The following CPNE4 variants were observed in gnomAD, a reference collection of about 807,000 sequenced individuals.
CPNE4 encodes the protein copine-4.
A neutral mutation model predicts 67.9 loss-of-function variants in CPNE4; 25 were observed. The ratio of observed to expected loss-of-function variants is 0.37; its 90% confidence interval spans 0.27 to 0.51. CPNE4 has a LOEUF of 0.51. CPNE4 is among the 20% of genes least tolerant of loss of function. The pLI, the probability that CPNE4 is intolerant of heterozygous loss-of-function variation, is 0.93. For synonymous variants in CPNE4, 242 were observed against 244.9 expected (o/e 0.99, Z 0.11); for missense variants, 464 against 690.8 (o/e 0.67, Z 3.68).
intron 2 of CPNE4, among the ~76,000 whole-genome samples, chr3:131,787,195 T>G (rs899189484): frequency 5.9e-5 from 9 of 152,174 alleles, no homozygotes; most frequent in African/African-American, 2.2e-4. Flanking sequence ...ATTTGCCAAC[T>G]TGGTCTAGAG....
intron 1 of CPNE4, among the ~76,000 whole-genome samples, chr3:131,909,030 A>G (rs2088875730): frequency 6.6e-6 from 1 of 152,196 alleles, no homozygotes; most frequent in Admixed American, 6.5e-5. Context: ...AAAAACTCTT[A>G]GATGTCTCAC....
intron 2 of CPNE4, among the ~76,000 whole-genome samples, chr3:131,886,694 A>G (rs1382516967): frequency 1.4e-5 from 2 of 143,740 alleles, no homozygotes; most frequent in Non-Finnish European, 3.2e-5. Context: ...CTCTTCCATC[A>G]GTGTGACCTG....
intron 1 of CPNE4, among the ~76,000 whole-genome samples, chr3:132,027,280 G>T (rs551682543): frequency 1.3e-5 from 2 of 152,212 alleles, no homozygotes; most frequent in Admixed American, 6.5e-5. Flanking sequence ...CTGTAACTAG[G>T]CCACCAACGA....
In CPNE4 at chr3:131,586,594, G is replaced by A. The variant is rs190814802; in HGVS notation, c.780+890C>T. 4.0e-3 allele frequency among the ~76,000 whole-genome samples: 606 copies of A among 152,240 alleles called. 4 individuals carry two copies. Among genetic ancestry groups the A allele is most frequent in the African/African-American group, 0.014 (568 of 41,546 alleles). ...CACTTCTATCTTGCTTTTGGGCATG[G>A]ATAAAACAGGCTCCAGCAGATAGAG... On this transcript the variant is annotated intron_variant, in intron 8 of 15. Transcript: ENST00000429747.
At chr3:131,738,937 C>A (rs970125027) in intron 2 of CPNE4, among the ~76,000 whole-genome samples, 3 of 149,996 alleles carry the variant, frequency 2.0e-5, no homozygotes, top group Non-Finnish European at 4.4e-5. Flanking sequence ...TCACTTCAAA[C>A]TCCTTCCTGC....
chr3:131,779,317 A>G (rs1172155455), intron 2 of CPNE4, among the ~76,000 whole-genome samples: 2 of 152,152 alleles, frequency 1.3e-5, no homozygotes, highest in Non-Finnish European at 2.9e-5. Flanking sequence ...TTTTTCACAG[A>G]ATTAGATTTA....
At chr3:131,568,632 A>G (rs1267238091) in intron 10 of CPNE4, among the ~76,000 whole-genome samples, 1 of 151,842 alleles carries the variant, frequency 6.6e-6, no homozygotes, top group African/African-American at 2.4e-5. Context: ...ATTATTAAGC[A>G]GAGCTGTGGA....
chr3:131,549,661 T>G (rs944625209), intron 14 of CPNE4, among the ~76,000 whole-genome samples: 2 of 152,166 alleles, frequency 1.3e-5, no homozygotes, highest in African/African-American at 4.8e-5. Context: ...TATGACATAC[T>G]TTAGTGAATA....
intron 1 of CPNE4, among the ~76,000 whole-genome samples, chr3:131,971,541 G>A (rs893495870): frequency 1.3e-5 from 2 of 152,170 alleles, no homozygotes; most frequent in Admixed American, 6.5e-5. Flanking sequence ...TCCTTTACAA[G>A]TTTAAATGCC....
chr3:131,537,411 G>T (rs1165494592), intron 15 of CPNE4, among the ~76,000 whole-genome samples: 1 of 151,610 alleles, frequency 6.6e-6, no homozygotes, highest in Non-Finnish European at 1.5e-5. Flanking sequence ...AGCCTCCAGA[G>T]TAGTTGAGAT....
intron 10 of CPNE4, 130 bp downstream of exon 10, chr3:131,574,941 C>T (rs1167762899): frequency 2.8e-6 from 2 of 724,386 alleles, no homozygotes; most frequent in Admixed American, 4.3e-5. Context: ...TACGCTTCAA[C>T]AATGAGACTT....
At chr3:132,013,395 T>C (rs2073818791) in intron 1 of CPNE4, among the ~76,000 whole-genome samples, 1 of 152,006 alleles carries the variant, frequency 6.6e-6, no homozygotes, top group Non-Finnish European at 1.5e-5. Context: ...AGACATTACA[T>C]TGACCACATG....
chr3:131,852,569 G>T (rs1296365876), intron 2 of CPNE4, among the ~76,000 whole-genome samples: 2 of 151,816 alleles, frequency 1.3e-5, no homozygotes, highest in African/African-American at 4.8e-5. Context: ...ATATTTTATG[G>T]TGAAACAATA....
intron 1 of CPNE4, among the ~76,000 whole-genome samples, chr3:131,962,463 A>C (rs1420269842): frequency 1.3e-5 from 2 of 152,220 alleles, no homozygotes; most frequent in Non-Finnish European, 2.9e-5. Flanking sequence ...ACTCCAGAAC[A>C]AAACAAAGAC....
intron 1 of CPNE4, among the ~76,000 whole-genome samples, chr3:131,928,678 C>A (rs1206465980): frequency 6.6e-6 from 1 of 152,202 alleles, no homozygotes; most frequent in East Asian, 1.9e-4. Flanking sequence ...TATGCCTATA[C>A]TTGGCCATGC....
At chr3:131,657,450 A>G (rs2080000036) in intron 7 of CPNE4, among the ~76,000 whole-genome samples, 1 of 152,092 alleles carries the variant, frequency 6.6e-6, no homozygotes, top group Non-Finnish European at 1.5e-5. Flanking sequence ...TTATACATTG[A>G]CAAGATATAC....
At chr3:131,801,480 T>TATATATATAAC (rs2084128152) in intron 2 of CPNE4, among the ~76,000 whole-genome samples, 1 of 85,040 alleles carries the variant, frequency 1.2e-5, no homozygotes, top group Non-Finnish European at 2.5e-5. Context: ...ATATATATAA[T>TATATATATAAC]ATCACTGCTG....
intron 12 of CPNE4, among the ~76,000 whole-genome samples, chr3:131,554,179 A>C (rs145460457): frequency 6.6e-6 from 1 of 152,030 alleles, no homozygotes; most frequent in Non-Finnish European, 1.5e-5. Flanking sequence ...CTATTGAGCT[A>C]TTCAGCAGCT....
At chr3:131,709,553 A>T (rs2081508671) in intron 3 of CPNE4, among the ~76,000 whole-genome samples, 1 of 152,198 alleles carries the variant, frequency 6.6e-6, no homozygotes, top group Non-Finnish European at 1.5e-5. Context: ...GCTGGCAAAG[A>T]GGTTGTTGCA....
Sources: allele counts gnomAD v4.1 joint callset (sites outside exome capture counted in the v4.1 genomes callset), GRCh38; gene constraint gnomAD v4.1.1; transcripts MANE v1.5; gene names NCBI Gene and HGNC (gene_info 2026-07-23, HGNC 2026-07-21).